The following PTPDC1 variants were observed in gnomAD, a reference collection of about 807,000 sequenced individuals.
PTPDC1 encodes protein tyrosine phosphatase domain containing 1.
PTPDC1 carries 53 observed loss-of-function variants against 75.3 expected under a neutral mutation model. That is an observed-to-expected ratio of 0.70 (90% CI 0.56 to 0.88). PTPDC1 has a LOEUF of 0.88. PTPDC1 is among the 40% of genes least tolerant of loss of function. The probability of loss-of-function intolerance (pLI) is 0.00; values close to 1 mark genes in which losing one functional copy is unlikely to be tolerated. For synonymous variants in PTPDC1, 349 were observed against 366.2 expected (o/e 0.95, Z 0.54); for missense variants, 925 against 998.6 (o/e 0.93, Z 0.99).
intron 2 of PTPDC1, among the ~76,000 whole-genome samples, chr9:94,076,753 C>T (rs951121229): frequency 7.9e-5 from 12 of 152,126 alleles, no homozygotes; most frequent in African/African-American, 2.9e-4. Flanking sequence ...GAGGAACTGC[C>T]AGACCATTTT....
upstream of PTPDC1, among the ~76,000 whole-genome samples, chr9:94,082,303 C>T (rs967766365): frequency 2.0e-5 from 3 of 152,218 alleles, no homozygotes; most frequent in African/African-American, 7.2e-5. Flanking sequence ...GCCCACCAGG[C>T]ACCCACTGCA....
At chr9:94,103,596 A>G (rs1238750262) in intron 7 of PTPDC1, among the ~76,000 whole-genome samples, 1 of 152,178 alleles carries the variant, frequency 6.6e-6, no homozygotes, top group African/African-American at 2.4e-5. Context: ...TTTCTTTATT[A>G]TAGATTATGC....
Position 94,034,648 on chromosome 9 carries a change from C to T in PTPDC1, c.-7+3521C>T, listed in dbSNP as rs369559462. ...CAGTTTATCCAAGGGATGTAATTTA[C>T]ATTTCTTCCATTAAAGTATCAATGT... On this transcript the variant is annotated intron_variant, in intron 1 of 9. Transcript: ENST00000375360. 5.3e-5 allele frequency among the ~76,000 whole-genome samples: 8 copies of T among 152,292 alleles called. No individual in the cohort carries two copies. The East Asian group carries it at 1.3e-3, about 26-fold the overall frequency.
chr9:94,046,025 G>A (rs1052105149), intron 1 of PTPDC1, among the ~76,000 whole-genome samples: 4 of 152,186 alleles, frequency 2.6e-5, no homozygotes, highest in African/African-American at 9.7e-5. Flanking sequence ...TTTTGTATAA[G>A]TTGTAAGGAA....
rs578090537 is a variant in PTPDC1 at position 94,103,134 on chromosome 9, A to G, written c.2200-1141A>G. ...TGCGTGCCTGCACACACACACATAC[A>G]CTCACATACCACAGTTATGCAATAC... On this transcript the variant is annotated intron_variant, in intron 7 of 8. Coordinates refer to ENST00000620992, the MANE Select transcript of PTPDC1 (RefSeq NM_001253829.2). Among the ~76,000 whole-genome samples, 6 of 152,178 alleles carry G rather than the reference A, an allele frequency of 3.9e-5. No individual in the cohort carries two copies. The East Asian group carries it at 9.7e-4, about 25-fold the overall frequency.
Position 94,097,316 on chromosome 9 carries a change from T to C in PTPDC1, c.755-5T>C. ...CATACCAGTCTTCTCTTCTTCACTG[T>C]TTAGGTGTTTTAATAGCCTGTTACT... is the stretch of plus-strand genomic sequence containing the variant. On this transcript the variant is annotated splice_polypyrimidine_tract_variant and splice_region_variant and intron_variant, in intron 5 of 8. Transcript: ENST00000620992. 1 of 1,575,428 alleles carries C rather than the reference T, an allele frequency of 6.3e-7. No individual in the cohort carries two copies.
chr9:94,050,404 CT>C (rs1825751397), intron 1 of PTPDC1, among the ~76,000 whole-genome samples: 1 of 152,108 alleles, frequency 6.6e-6, no homozygotes, highest in Non-Finnish European at 1.5e-5. Context: ...TGTGGATGTC[CT>C]TTCTGTTTGT....
At chr9:94,100,712 T>C (rs967588801) in intron 6 of PTPDC1, 2 of 152,222 alleles carry the variant, frequency 1.3e-5, no homozygotes, top group African/African-American at 2.4e-5. Flanking sequence ...ACTGTGTGCA[T>C]GTAGTAAATA....
chr9:94,071,900 T>G (rs543133492), intron 2 of PTPDC1, among the ~76,000 whole-genome samples: 321 of 152,384 alleles, frequency 2.1e-3, no homozygotes, highest in Middle Eastern at 6.8e-3. Context: ...ATCTTTGATT[T>G]ATTTCATCAG....
chr9:94,075,727 T>C (rs558190214), intron 2 of PTPDC1, among the ~76,000 whole-genome samples: 1 of 152,252 alleles, frequency 6.6e-6, no homozygotes, highest in South Asian at 2.1e-4. Context: ...GGATGAGGAA[T>C]GGGGCAACTC....
chr9:94,081,749 T>A (rs930561931), upstream of PTPDC1, among the ~76,000 whole-genome samples: 13 of 152,002 alleles, frequency 8.6e-5, no homozygotes, highest in African/African-American at 3.1e-4. Flanking sequence ...TTTGGAGGTT[T>A]AGCTATGAAG....
chr9:94,090,677 G>GC (rs1438424434), intron 4 of PTPDC1, among the ~76,000 whole-genome samples: 1 of 120,416 alleles, frequency 8.3e-6, no homozygotes, highest in African/African-American at 3.3e-5. Context: ...GGGCAGTATG[G>GC]CCATTTTCAC....
At chr9:94,045,896 G>A (rs983462987) in intron 1 of PTPDC1, among the ~76,000 whole-genome samples, 3 of 152,170 alleles carry the variant, frequency 2.0e-5, no homozygotes, top group African/African-American at 7.2e-5. Flanking sequence ...TGCTTTTGGT[G>A]TTTTAGACAT....
At chr9:94,043,253 T>TA (rs955664866) in intron 1 of PTPDC1, among the ~76,000 whole-genome samples, 1 of 152,186 alleles carries the variant, frequency 6.6e-6, no homozygotes, top group African/African-American at 2.4e-5. Context: ...CTAGTTTTTT[T>TA]AAAAAATCCA....
chr9:94,060,872 C>T (rs567008750), intron 1 of PTPDC1, among the ~76,000 whole-genome samples: 5 of 152,252 alleles, frequency 3.3e-5, no homozygotes, highest in African/African-American at 7.2e-5. Context: ...CATGAGAGTT[C>T]GGTGGGGATG....
chr9:94,085,388 C>A lies in PTPDC1; in HGVS notation c.382C>A (p.Gln128Lys). The A allele has an allele frequency of 6.2e-7, 1 of 1,614,112 alleles. No individual in the cohort carries two copies. Among genetic ancestry groups the A allele is most frequent in the East Asian group, 2.2e-5 (1 of 44,876 alleles). ...KYENPARWSE[Q>K]EQAIKGVYSS... is the part of the protein sequence containing the mutation. ...TGAGAACCCAGCCCGCTGGAGTGAG[C>A]AGGAGCAAGCCATTAAGGGGGTTTA... is the stretch of plus-strand genomic sequence containing the variant. Residue 128 changes from glutamine (Q) to lysine (K), a missense_variant, in exon 2 of 9, where the codon CAG becomes AAG. Gln to Lys is a moderately conservative substitution (Grantham distance 53, BLOSUM62 1). Transcript: ENST00000620992.
At chr9:94,047,401 G>C (rs1252530549) in intron 1 of PTPDC1, among the ~76,000 whole-genome samples, 5 of 152,118 alleles carry the variant, frequency 3.3e-5, no homozygotes, top group Non-Finnish European at 4.4e-5. Context: ...CAGAATCTCT[G>C]GGACACATTC....
intron 2 of PTPDC1, among the ~76,000 whole-genome samples, chr9:94,072,688 G>GTTCCCCTCTA (rs950774878): frequency 2.0e-5 from 3 of 152,138 alleles, no homozygotes; most frequent in African/African-American, 7.2e-5. Flanking sequence ...AGTTGAATTA[G>GTTCCCCTCTA]TTCCCCTCTA....
At chr9:94,067,793 G>A (rs1461972134) in intron 2 of PTPDC1, among the ~76,000 whole-genome samples, 1 of 152,116 alleles carries the variant, frequency 6.6e-6, no homozygotes, top group African/African-American at 2.4e-5. Flanking sequence ...GTAGAGACAG[G>A]GTTTAGCCAT....
Sources: gnomAD v4.1 joint callset for allele counts (sites outside exome capture counted in the v4.1 genomes callset) on GRCh38, gnomAD v4.1.1 for gene constraint, MANE v1.5 for transcripts, NCBI Gene and HGNC (gene_info 2026-07-23, HGNC 2026-07-21) for gene names.